DNPEP: variants seen among roughly 807,000 people sequenced by gnomAD.
DNPEP encodes the protein aspartyl aminopeptidase.
In DNPEP, 46 loss-of-function variants were observed where a neutral mutation model predicts 59.1. The observed-to-expected ratio is 0.78, with a 90% CI of 0.61 to 0.99. The LOEUF is 0.99. Ranked by LOEUF, DNPEP falls within the 50% of genes least tolerant of loss-of-function variation. The probability of loss-of-function intolerance (pLI) is 0.00; values close to 1 mark genes in which losing one functional copy is unlikely to be tolerated. For missense variants in DNPEP, 617 were observed against 649.9 expected, an observed-to-expected ratio of 0.95 and a Z score of 0.55; for synonymous variants, 229 against 242.2, an observed-to-expected ratio of 0.95 and a Z score of 0.50.
At chr2:219,380,202 CTT>C (rs71040453) in intron 13 of DNPEP, among the ~76,000 whole-genome samples, 7 of 129,172 alleles carry the variant, frequency 5.4e-5, no homozygotes, top group Admixed American at 8.3e-5. Flanking sequence ...TTTTTCTTTT[CTT>C]TTTTTTTTTT....
chr2:219,374,444 C>T (rs1244230391), intron 14 of DNPEP, 102 bp from the exon 15 acceptor site: 18 of 1,126,236 alleles, frequency 1.6e-5, no homozygotes, highest in Middle Eastern at 2.2e-4. Context: ...AGAGAAGCAC[C>T]GAGGTTTCAT....
rs778380589 is a variant in DNPEP, at chr2:219,386,035, G to C, written c.523C>G (p.Pro175Ala). The C allele has an allele frequency of 2.0e-4, 330 of 1,614,034 alleles. 2 individuals are homozygous for C. The highest frequency in any genetic ancestry group is 2.8e-4 in the Non-Finnish European group (325 of 1,180,026). The change falls in exon 6 of 15, where the codon CCA becomes GCA. Residue 175 changes from proline (P) to alanine (A), a missense_variant. Transcript: ENST00000273075. ...VHVERPILRI[P>A]HLAIHLQRNI... Reference sequence around the variant, plus strand: ...CGCTGCAGATGGATGGCCAGGTGTGGGATGCGAAGAATGGGCCGCTCCACG... The same window carrying C: ...CGCTGCAGATGGATGGCCAGGTGTGCGATGCGAAGAATGGGCCGCTCCACG...
rs1043331196 is a variant in DNPEP at position 219,373,074 on chromosome 2, CT to C, written c.*1217del. On this transcript the variant is annotated 3_prime_UTR_variant, in exon 15 of 15. Transcript: ENST00000273075. ...AAGCAGGCTTTGACTTTTTCTTTTT[CT>C]TTTTTTTTTTTTGAGAGAGTTTCAC... Among the ~76,000 whole-genome samples, 338 of 142,294 alleles carry C rather than the reference CT, an allele frequency of 2.4e-3. No individual in the cohort carries two copies. Among genetic ancestry groups the C allele is most frequent in the Admixed American group, 3.0e-3 (42 of 14,236 alleles). The allele number at this position is 142,294 out of a possible 152,430, so 93.4% of individuals were successfully genotyped here. A position where few individuals can be genotyped will look rare whatever the true frequency, so the allele number is the denominator to read the frequency against.
At chr2:219,395,773 C>T (rs982646820) in intron 1 of DNPEP, among the ~76,000 whole-genome samples, 1 of 152,154 alleles carries the variant, frequency 6.6e-6, no homozygotes, top group African/African-American at 2.4e-5. Context: ...TTAGGGAGGC[C>T]AATCCTCCTC....
chr2:219,399,532 C>T, intron 1 of DNPEP: 1 of 514,492 alleles, frequency 1.9e-6, no homozygotes, highest in Non-Finnish European at 3.8e-6. Flanking sequence ...TTAGATCACC[C>T]TGAGAAACAC....
At chr2:219,395,445 G>A (rs1046591996) in intron 1 of DNPEP, among the ~76,000 whole-genome samples, 1 of 152,190 alleles carries the variant, frequency 6.6e-6, no homozygotes, top group Non-Finnish European at 1.5e-5. Context: ...CACAGGATGG[G>A]AAGGGGGCTC....
In DNPEP at chr2:219,386,005, T is replaced by A. The variant is rs1953808637; in HGVS notation, c.553A>T (p.Ile185Phe). 1 of 1,614,030 alleles carries A rather than the reference T, an allele frequency of 6.2e-7. No individual in the cohort carries two copies. The highest frequency in any genetic ancestry group is 1.3e-5 in the African/African-American group (1 of 74,914). ...GTGTTGGGCCCAAAGTTCTCGTTGA[T>A]ATTTCGCTGCAGATGGATGGCCAGG... ...PHLAIHLQRN[I>F]NENFGPNTEM... The change falls in exon 6 of 15, where the codon ATC becomes TTC. Residue 185 changes from isoleucine to phenylalanine, a missense_variant. Coordinates refer to ENST00000273075, the MANE Select transcript of DNPEP (RefSeq NM_012100.4).
At chr2:219,384,555 T>C in intron 8 of DNPEP, 112 bp from the exon 9 acceptor site, 3 of 789,048 alleles carry the variant, frequency 3.8e-6, no homozygotes, top group Non-Finnish European at 4.0e-6. Context: ...GACCCCTGGC[T>C]TAGGGCACTA....
rs1205002835 is a variant in DNPEP, at chr2:219,381,994, A to T, written c.1082T>A (p.Val361Glu). Residue 361 changes from valine to glutamate, a missense_variant, in exon 11 of 15, where the codon GTG becomes GAG. Val to Glu is a moderately radical substitution (Grantham distance 121). Coordinates refer to ENST00000273075, the MANE Select transcript of DNPEP (RefSeq NM_012100.4). ...FMISADMAHA[V>E]HPNYLDKHEE... ...AGAGACTCACAGGTAGTTGGGATGC[A>T]CAGCATGGGCCATGTCTGCGCTGAT... is the stretch of plus-strand genomic sequence containing the variant. 1 of 1,614,102 alleles carries T rather than the reference A, an allele frequency of 6.2e-7. No individual in the cohort carries two copies. The highest frequency in any genetic ancestry group is 8.5e-7 in the Non-Finnish European group (1 of 1,180,036).
rs530562211 is a variant in DNPEP at position 219,383,297 on chromosome 2, C to T, written c.853-83G>A. The stretch of plus-strand genomic sequence containing the variant: ...CCCACCAGCACCTTGGGTGTGCACG[C>T]TCCCCCATCCACCAGCACCTTGGGT... On this transcript the variant is annotated intron_variant, in intron 9 of 14. Coordinates refer to ENST00000273075, the MANE Select transcript of DNPEP (RefSeq NM_012100.4). The T allele has an allele frequency of 1.5e-5, 18 of 1,164,600 alleles. 1 individual carries two copies. In the South Asian group the frequency reaches 2.0e-4, roughly 13 times the overall value. The allele number at this position is 1,164,600 out of a possible 1,614,324, so 72.1% of individuals were successfully genotyped here.
rs200078833 is a variant in DNPEP at position 219,375,495 on chromosome 2, TAAG to T, written c.1240-476_1240-474del. Among the ~76,000 whole-genome samples the T allele has an allele frequency of 8.9e-3, 1,311 of 146,832 alleles. 25 individuals carry two copies. The highest frequency in any genetic ancestry group is 0.033 in the African/African-American group (1,262 of 38,032). On this transcript the variant is annotated intron_variant, in intron 13 of 14. Transcript: ENST00000273075. ...AATAGGTAGTAACTATTTAACTAAA[TAAG>T]AATAATTTTATGAATAAGAATTACA...
intron 1 of DNPEP, among the ~76,000 whole-genome samples, chr2:219,398,525 C>T (rs1444475195): frequency 1.3e-5 from 2 of 152,128 alleles, no homozygotes; most frequent in African/African-American, 4.8e-5. Context: ...TGGTACATGC[C>T]TGTAATCCTA....
At chr2:219,397,171 C>G (rs939270312) in intron 1 of DNPEP, among the ~76,000 whole-genome samples, 1 of 152,158 alleles carries the variant, frequency 6.6e-6, no homozygotes, top group Non-Finnish European at 1.5e-5. Context: ...AGCTGTGGGT[C>G]GTATTTGCCG....
chr2:219,391,565 A>G (rs1473433207), upstream of DNPEP, among the ~76,000 whole-genome samples: 1 of 152,154 alleles, frequency 6.6e-6, no homozygotes, highest in African/African-American at 2.4e-5. Flanking sequence ...AGTGTATATA[A>G]TTTAGTTTTT....
chr2:219,375,310 C>T (rs1012390044), intron 13 of DNPEP, among the ~76,000 whole-genome samples: 1 of 151,938 alleles, frequency 6.6e-6, no homozygotes, highest in Non-Finnish European at 1.5e-5. Flanking sequence ...TATCCACACT[C>T]ACAGAAAAAA....
At chr2:219,380,678 A>G (rs1953555063) in intron 13 of DNPEP, among the ~76,000 whole-genome samples, 1 of 152,180 alleles carries the variant, frequency 6.6e-6, no homozygotes, top group East Asian at 1.9e-4. Context: ...AGGTTTGTGT[A>G]CATATACTCC....
chr2:219,387,556 G>C, intron 1 of DNPEP: 2 of 1,351,950 alleles, frequency 1.5e-6, no homozygotes, highest in Non-Finnish European at 1.9e-6. Flanking sequence ...GGAGCACCCT[G>C]ACTCCTCTCT....
intron 1 of DNPEP, chr2:219,399,830 A>T: frequency 6.5e-7 from 1 of 1,536,524 alleles, no homozygotes; most frequent in Non-Finnish European, 8.8e-7. Flanking sequence ...ACGTGTCTGC[A>T]CTGGCTGGCC....
chr2:219,387,867 G>C lies in DNPEP; in HGVS notation c.-73C>G. The C allele has an allele frequency of 7.1e-7, 1 of 1,418,096 alleles. No individual in the cohort carries two copies. The highest frequency in any genetic ancestry group is 1.3e-5 in the South Asian group (1 of 76,712). The allele number at this position is 1,418,096 out of a possible 1,614,324, so 87.8% of individuals were successfully genotyped here. A position where few individuals can be genotyped will look rare whatever the true frequency, so the allele number is the denominator to read the frequency against. On this transcript the variant is annotated 5_prime_UTR_variant, in exon 1 of 15. Coordinates refer to ENST00000273075, the MANE Select transcript of DNPEP (RefSeq NM_012100.4). ...CTCACTAGCTTTGCAGGTCCCCCGC[G>C]TGCCCCTTCAGGCCGCGCCGCACTC...
Sources: gnomAD v4.1 joint callset for allele counts (sites outside exome capture counted in the v4.1 genomes callset) on GRCh38, gnomAD v4.1.1 for gene constraint, MANE v1.5 for transcripts, NCBI Gene and HGNC (gene_info 2026-07-23, HGNC 2026-07-21) for gene names.